The following NF1 variants were observed in gnomAD, a reference collection of about 807,000 sequenced individuals.
The protein encoded by NF1 is neurofibromin.
Under a neutral mutation model 325.7 loss-of-function variants are expected in NF1, and 122 were observed. That is an observed-to-expected ratio of 0.37 (90% CI 0.32 to 0.44). NF1 has a LOEUF of 0.44. Ranked by LOEUF, NF1 falls within the 20% of genes least tolerant of loss-of-function variation. The pLI, the probability that NF1 is intolerant of heterozygous loss-of-function variation, is 1.00. For synonymous variants in NF1, 1,091 were observed against 1,186.0 expected (o/e 0.92, Z 1.65); for missense variants, 2,140 against 3,415.4 (o/e 0.63, Z 9.31).
chr17:31,194,067 T>C (rs1426465512), intron 8 of NF1, among the ~76,000 whole-genome samples: 2 of 152,214 alleles, frequency 1.3e-5, no homozygotes, highest in African/African-American at 4.8e-5. Flanking sequence ...AATCAGTATA[T>C]TGAAGAGACA....
intron 36 of NF1, among the ~76,000 whole-genome samples, chr17:31,297,808 C>T (rs910996746): frequency 6.6e-6 from 1 of 152,024 alleles, no homozygotes; most frequent in Non-Finnish European, 1.5e-5. Context: ...TTAAGTGTTC[C>T]GTCTTCCCTT....
intron 8 of NF1, among the ~76,000 whole-genome samples, chr17:31,184,836 A>G (rs1234222049): frequency 6.6e-6 from 1 of 152,140 alleles, no homozygotes; most frequent in Non-Finnish European, 1.5e-5. Context: ...CTTATCATGC[A>G]AGTGGCTGAC....
At chr17:31,201,511 T>C in intron 11 of NF1, 26 bp downstream of exon 11, 1 of 1,563,794 alleles carries the variant, frequency 6.4e-7, no homozygotes, top group Non-Finnish European at 8.8e-7. Flanking sequence ...ATTGCTAAAT[T>C]ACTAAAAAAA....
intron 30 of NF1, among the ~76,000 whole-genome samples, chr17:31,249,545 T>A (rs1648834230): frequency 6.6e-6 from 1 of 152,222 alleles, no homozygotes. Context: ...TCTTCATTAA[T>A]GTATAATTAG....
chr17:31,357,940 G>A (rs753533212), intron 54 of NF1: 20 of 163,338 alleles, frequency 1.2e-4, no homozygotes, highest in Admixed American at 8.3e-4. Flanking sequence ...GAGTGTAGCC[G>A]GGTTAGAAAT....
intron 1 of NF1, among the ~76,000 whole-genome samples, chr17:31,119,303 C>T (rs558624474): frequency 2.6e-5 from 4 of 151,844 alleles, no homozygotes; most frequent in Admixed American, 1.3e-4. Flanking sequence ...TTTTAATGAT[C>T]GCCATTCTGA....
rs1343309278 is a variant in NF1 at position 31,201,472 on chromosome 17, G to A, written c.1247G>A (p.Arg416Gln). ...TATGTGCTGGTAAATTCACTCCATCGAATCATCACCAATGTAAGTCCAAAA... is the reference window on the plus strand; with the variant it reads ...TATGTGCTGGTAAATTCACTCCATCAAATCATCACCAATGTAAGTCCAAAA... ...FHYVLVNSLHRIITNSALDWW... is the reference protein window; with the variant it reads ...FHYVLVNSLHQIITNSALDWW... The change falls in exon 11 of 58, where the codon CGA becomes CAA. Residue 416 changes from arginine to glutamine, a missense_variant. Transcript: ENST00000358273. 4 of 1,610,976 alleles carry A rather than the reference G, an allele frequency of 2.5e-6. No individual in the cohort carries two copies. The highest frequency in any genetic ancestry group is 2.7e-5 in the African/African-American group (2 of 74,492).
intron 36 of NF1, among the ~76,000 whole-genome samples, chr17:31,266,311 A>C (rs959317001): frequency 2.1e-4 from 32 of 152,348 alleles, no homozygotes; most frequent in African/African-American, 7.0e-4. Context: ...AAGGAAGATC[A>C]GTGGAAGATG....
At chr17:31,335,202 T>C (rs1324317851) in intron 40 of NF1, among the ~76,000 whole-genome samples, 171 bp downstream of exon 40, 1 of 131,604 alleles carries the variant, frequency 7.6e-6, no homozygotes, top group African/African-American at 3.0e-5. Context: ...TGGTTCAAAA[T>C]TGTAAATGTC....
chr17:31,272,044 G>A (rs1228171884), intron 36 of NF1: 1 of 152,052 alleles, frequency 6.6e-6, no homozygotes, highest in Non-Finnish European at 1.5e-5. Flanking sequence ...ATAAGGTAGT[G>A]CATACTTCTT....
chr17:31,190,787 C>G (rs1170861206), intron 8 of NF1, among the ~76,000 whole-genome samples: 2 of 152,184 alleles, frequency 1.3e-5, no homozygotes. Flanking sequence ...ATAGTTGCAG[C>G]AGGTCAGAGT....
chr17:31,130,366 A>G (rs1196948758), intron 1 of NF1, among the ~76,000 whole-genome samples: 6 of 152,122 alleles, frequency 3.9e-5, no homozygotes, highest in African/African-American at 1.4e-4. Flanking sequence ...AGTGGAATCA[A>G]TTCTTGTTCG....
intron 29 of NF1, among the ~76,000 whole-genome samples, chr17:31,241,725 T>G (rs560732401): frequency 6.6e-6 from 1 of 152,368 alleles, no homozygotes; most frequent in Non-Finnish European, 1.5e-5. Flanking sequence ...GTCTGTATCT[T>G]GAAAAGCTGT....
At chr17:31,266,763 T>A (rs1374546743) in intron 36 of NF1, among the ~76,000 whole-genome samples, 1 of 150,686 alleles carries the variant, frequency 6.6e-6, no homozygotes, top group African/African-American at 2.4e-5. Flanking sequence ...TCAGAAACTG[T>A]TATATTTGTA....
At chr17:31,191,606 G>A (rs1022780608) in intron 8 of NF1, among the ~76,000 whole-genome samples, 8 of 152,214 alleles carry the variant, frequency 5.3e-5, no homozygotes, top group African/African-American at 1.9e-4. Context: ...GATGCCAGGA[G>A]TGAGAGTTAG....
chr17:31,193,772 T>A (rs753468382), intron 8 of NF1, among the ~76,000 whole-genome samples: 1 of 152,068 alleles, frequency 6.6e-6, no homozygotes, highest in African/African-American at 2.4e-5. Flanking sequence ...GACCAACAGA[T>A]ATATTTTTTA....
chr17:31,318,368 T>C, intron 36 of NF1: 1 of 1,613,974 alleles, frequency 6.2e-7, no homozygotes, highest in East Asian at 2.2e-5. Flanking sequence ...CTTGTAGCTG[T>C]GAGCACTCCA....
chr17:31,095,987 C>G (rs1321427314), intron 1 of NF1, among the ~76,000 whole-genome samples: 24 of 152,106 alleles, frequency 1.6e-4, no homozygotes, highest in Admixed American at 1.6e-3. Flanking sequence ...GCTTCAAGTG[C>G]ACACTCACTG....
At chr17:31,283,056 C>T (rs1435774270) in intron 36 of NF1, among the ~76,000 whole-genome samples, 3 of 152,086 alleles carry the variant, frequency 2.0e-5, no homozygotes, top group Non-Finnish European at 4.4e-5. Flanking sequence ...CTTTAACTTC[C>T]GGGTCTTAGA....
Sources: allele counts gnomAD v4.1 joint callset (sites outside exome capture counted in the v4.1 genomes callset), GRCh38; gene constraint gnomAD v4.1.1; transcripts MANE v1.5; gene names NCBI Gene and HGNC (gene_info 2026-07-23, HGNC 2026-07-21).